The following PRMT7 variants were observed in gnomAD, a reference collection of about 807,000 sequenced individuals.
PRMT7 encodes the protein protein arginine N-methyltransferase 7.
PRMT7 carries 75 observed loss-of-function variants against 85.4 expected under a neutral mutation model. The observed-to-expected ratio is 0.88, with a 90% confidence interval of 0.73 to 1.06. The LOEUF (loss-of-function observed/expected upper bound fraction) is 1.06. Among genes scored for constraint, PRMT7 ranks in the 50% least tolerant of loss-of-function variants. The probability of loss-of-function intolerance (pLI) is 0.00; values close to 1 mark genes in which losing one functional copy is unlikely to be tolerated. For missense variants in PRMT7, 868 were observed against 915.2 expected (o/e 0.95, Z 0.67); for synonymous variants, 397 against 359.5 (o/e 1.10, Z -1.18).
At position 68,317,791 on chromosome 16, in the gene PRMT7, A is replaced by G. The variant is rs569730008; in HGVS notation, c.95+1717A>G. ...GGTTGCCATGAGCCGAGATCGTGCCATTGCATTCCAGCCTGGGCAACAAGA... is the reference window on the plus strand; with the variant it reads ...GGTTGCCATGAGCCGAGATCGTGCCGTTGCATTCCAGCCTGGGCAACAAGA... On this transcript the variant is annotated intron_variant, in intron 3 of 18. Coordinates refer to ENST00000441236, the MANE Select transcript of PRMT7 (RefSeq NM_019023.5). 1.4e-4 allele frequency among the ~76,000 whole-genome samples: 22 copies of G among 151,846 alleles called. No homozygotes were observed. The East Asian group carries it at 3.5e-3, about 24-fold the overall frequency.
intron 6 of PRMT7, chr16:68,329,543 C>T (rs1001829740): frequency 6.1e-6 from 1 of 164,180 alleles, no homozygotes; most frequent in African/African-American, 2.4e-5. Flanking sequence ...CTCTGAGTTT[C>T]ATCAGGCAGA....
Position 68,337,090 on chromosome 16 carries a change from G to A in PRMT7, c.392-369G>A, listed in dbSNP as rs576897452. Among the ~76,000 whole-genome samples the A allele has an allele frequency of 2.0e-5, 3 of 152,230 alleles. No homozygotes were observed. The South Asian group carries it at 6.2e-4, about 32-fold the overall frequency. On this transcript the variant is annotated intron_variant, in intron 6 of 18. Coordinates refer to ENST00000441236, the MANE Select transcript of PRMT7 (RefSeq NM_019023.5). ...TTTTGTGGAAATGGGGTTTTGTCAT[G>A]TTTCCCAGGCTGATCTCAAACTCCT... is the stretch of plus-strand genomic sequence containing the variant.
intron 13 of PRMT7, 22 bp downstream of exon 13, chr16:68,347,700 T>C (rs2086626931): frequency 6.2e-7 from 1 of 1,611,380 alleles, no homozygotes; most frequent in Non-Finnish European, 8.5e-7. Context: ...TTGTTGTTGC[T>C]GAAATAGTGA....
At chr16:68,347,086 C>T (rs757294330) in intron 11 of PRMT7, 125 bp from the exon 12 acceptor site, 70 of 806,020 alleles carry the variant, frequency 8.7e-5, no homozygotes, top group South Asian at 4.7e-4. Context: ...TGCATGAGGA[C>T]GCAGGGGGAT....
chr16:68,311,162 G>C, intron 1 of PRMT7, 63 bp downstream of exon 1: 1 of 631,472 alleles, frequency 1.6e-6, no homozygotes, highest in Non-Finnish European at 2.9e-6. Context: ...AGCGAGCATG[G>C]TGTCCTTGGC....
At chr16:68,340,036 C>A in intron 9 of PRMT7, 68 bp downstream of exon 9, 1 of 1,450,986 alleles carries the variant, frequency 6.9e-7, no homozygotes, top group Non-Finnish European at 9.3e-7. Flanking sequence ...GGGAAAGTAA[C>A]AGTTGAGCCT....
intron 14 of PRMT7, among the ~76,000 whole-genome samples, chr16:68,349,107 C>CT (rs1349044665): frequency 1.3e-5 from 2 of 152,182 alleles, no homozygotes; most frequent in Non-Finnish European, 2.9e-5. Flanking sequence ...GAAACTGCTT[C>CT]TGCCAGCAAC....
At chr16:68,347,538 C>G (rs896034826) in intron 12 of PRMT7, 93 bp from the exon 13 acceptor site, 1 of 1,386,144 alleles carries the variant, frequency 7.2e-7, no homozygotes, top group South Asian at 1.2e-5. Context: ...CAGGTGTGTC[C>G]TCTGTCTTAG....
chr16:68,339,554 C>T lies in PRMT7; in HGVS notation c.737C>T (p.Pro246Leu). 2 of 1,613,526 alleles carry T rather than the reference C, an allele frequency of 1.2e-6. No individual in the cohort carries two copies. The highest frequency in any genetic ancestry group is 1.7e-6 in the Non-Finnish European group (2 of 1,179,856). The change falls in exon 8 of 19, where the codon CCC becomes CTC. Residue 246 changes from proline (P) to leucine (L), a missense_variant. Physicochemically the swap from Pro to Leu is moderately conservative, Grantham distance 98. Coordinates refer to ENST00000441236, the MANE Select transcript of PRMT7 (RefSeq NM_019023.5). ...ADFTVLSDVL[P>L]MFSIDFSKQV... ...TTTACAGTCCTCAGCGATGTGCTGC[C>T]CATGTTCAGGTACCAAGGAGCCACC...
At chr16:68,340,046 T>C (rs2085279525) in intron 9 of PRMT7, 78 bp downstream of exon 9, 1 of 1,419,362 alleles carries the variant, frequency 7.0e-7, no homozygotes, top group Admixed American at 2.7e-5. Flanking sequence ...CAGTTGAGCC[T>C]TGGACCCAGG....
In PRMT7 at chr16:68,339,340, C is replaced by T. The variant is rs1196314419; in HGVS notation, c.523C>T (p.Pro175Ser). ...HLVEENCEAV[P>S]HRATVYAQLV... ...AACTTAGGAAAATTGTGAGGCCGTG[C>T]CCCACAGAGCCACCGTCTATGCACA... The change falls in exon 8 of 19, where the codon CCC becomes TCC. Residue 175 changes from proline to serine, a missense_variant. Coordinates refer to ENST00000441236, the MANE Select transcript of PRMT7 (RefSeq NM_019023.5). The T allele has an allele frequency of 6.2e-7, 1 of 1,614,048 alleles. No individual in the cohort carries two copies. Among genetic ancestry groups the T allele is most frequent in the South Asian group, 1.1e-5 (1 of 91,080 alleles).
At chr16:68,355,672 G>A (rs1451663910) in intron 16 of PRMT7, 51 bp from the exon 17 acceptor site, 1 of 1,455,460 alleles carries the variant, frequency 6.9e-7, no homozygotes, top group East Asian at 2.6e-5. Context: ...CGGTACCTCT[G>A]TCTAGCTGCC....
intron 16 of PRMT7, chr16:68,355,515 G>C: frequency 2.2e-6 from 1 of 451,854 alleles, no homozygotes; most frequent in Non-Finnish European, 3.8e-6. Flanking sequence ...TCCGGAGAGC[G>C]AGGCTCAGAG....
At position 68,356,720 on chromosome 16, in the gene PRMT7, G is replaced by A. The variant is rs1290731644; in HGVS notation, c.1831G>A (p.Ala611Thr). The change falls in exon 18 of 19, where the codon GCG (alanine) becomes ACG (threonine). Residue 611 changes from alanine (A) to threonine (T), a missense_variant. Coordinates refer to ENST00000441236, the MANE Select transcript of PRMT7 (RefSeq NM_019023.5). ...TGACAGGCCCGGGCAGAGCCACGCA[G>A]CGGTGCTATGGATGGAGTACCACCT... Reference protein sequence around the residue: ...ELRRPGQSHAAVLWMEYHLTP... With the variant: ...ELRRPGQSHATVLWMEYHLTP... The A allele has an allele frequency of 6.2e-7, 1 of 1,612,076 alleles. No homozygotes were observed. Among genetic ancestry groups the A allele is most frequent in the East Asian group, 2.2e-5 (1 of 44,864 alleles).
intron 6 of PRMT7, among the ~76,000 whole-genome samples, chr16:68,331,508 C>T (rs1191498771): frequency 2.0e-5 from 3 of 150,238 alleles, no homozygotes; most frequent in Non-Finnish European, 4.4e-5. Context: ...TGACCTGTCC[C>T]CCAGGCTGGA....
Position 68,346,231 on chromosome 16 carries a change from A to G in PRMT7, c.1142A>G (p.Glu381Gly). 6.2e-7 allele frequency: 1 copy of G among 1,614,210 alleles called. No individual in the cohort carries two copies. The change falls in exon 11 of 19, where the codon GAG (glutamate) becomes GGG (glycine). Residue 381 changes from glutamate (E) to glycine (G), a missense_variant. By Grantham distance (98) the Glu-to-Gly change is moderately conservative (BLOSUM62 -2). Coordinates refer to ENST00000441236, the MANE Select transcript of PRMT7 (RefSeq NM_019023.5). ...CTCTGGAACCGGCCTCGGTTTGGAG[A>G]GATCAATGACCAGGACAGAACTGAT... ...HLLWNRPRFG[E>G]INDQDRTDRY...
At chr16:68,352,165 G>T in intron 14 of PRMT7, 83 bp from the exon 15 acceptor site, 1 of 1,421,054 alleles carries the variant, frequency 7.0e-7, no homozygotes, top group East Asian at 2.4e-5. Context: ...GTGACTGAGT[G>T]GCCTGTTGCT....
At chr16:68,325,398 G>A (rs1285478227) in intron 5 of PRMT7, among the ~76,000 whole-genome samples, 2 of 152,132 alleles carry the variant, frequency 1.3e-5, no homozygotes, top group Admixed American at 1.3e-4. Context: ...CAACTAATCA[G>A]TATATGAACT....
chr16:68,339,593 C>G lies in PRMT7; in HGVS notation c.746+30C>G, dbSNP rs373175543. 12 of 1,608,668 alleles carry G rather than the reference C, an allele frequency of 7.5e-6. No individual in the cohort carries two copies. In the African/African-American group the frequency reaches 1.5e-4, roughly 20 times the overall value. ...CAAGGAGCCACCATAGGTGATGGCGCTTTGAGACATTTGATGGAAGTTGGG... is the reference window on the plus strand; with the variant it reads ...CAAGGAGCCACCATAGGTGATGGCGGTTTGAGACATTTGATGGAAGTTGGG... On this transcript the variant is annotated intron_variant, in intron 8 of 18. Coordinates refer to ENST00000441236, the MANE Select transcript of PRMT7 (RefSeq NM_019023.5).
Sources: allele counts gnomAD v4.1 joint callset (sites outside exome capture counted in the v4.1 genomes callset), GRCh38; gene constraint gnomAD v4.1.1; transcripts MANE v1.5; gene names NCBI Gene and HGNC (gene_info 2026-07-23, HGNC 2026-07-21).